The following PECAM1 variants were observed in gnomAD, a reference collection of about 807,000 sequenced individuals.
PECAM1 encodes platelet and endothelial cell adhesion molecule 1.
PECAM1 carries 8 observed loss-of-function variants against 13.8 expected under a neutral mutation model. The ratio of observed to expected loss-of-function variants is 0.58; its 90% CI spans 0.34 to 1.05. The LOEUF is 1.05. PECAM1 is among the 50% of genes least tolerant of loss of function. PECAM1 has a pLI of 0.03. For missense variants in PECAM1, 304 were observed against 141.2 expected (o/e 2.15, Z -5.84); for synonymous variants, 136 against 52.6 (o/e 2.58, Z -6.86).
In PECAM1 at chr17:64,320,050, G is replaced by C. The variant is rs1002010724; in HGVS notation, c.*3766C>G. 1 of 152,188 alleles carries C rather than the reference G, an allele frequency of 6.6e-6. No homozygotes were observed. The highest frequency in any genetic ancestry group is 2.4e-5 in the African/African-American group (1 of 41,424). 9.4% of individuals were successfully genotyped at this position (152,188 alleles called of 1,614,324 possible). On this transcript the variant is annotated 3_prime_UTR_variant, in exon 16 of 16. Transcript: ENST00000563924. ...ACCCCAGGTTGAGATCTTCTGCAGG[G>C]AAGACTGTCCTCAAATAGCCTGCTG... is the stretch of plus-strand genomic sequence containing the variant.
intron 14 of PECAM1, among the ~76,000 whole-genome samples, chr17:64,331,994 C>T (rs1243795609): frequency 6.6e-6 from 1 of 152,214 alleles, no homozygotes; most frequent in South Asian, 2.1e-4. Context: ...TCCTGGACCT[C>T]GGGCAGGCTC....
chr17:64,387,650 G>T lies in PECAM1; in HGVS notation c.91+2839C>A, dbSNP rs118198448. Among the ~76,000 whole-genome samples the T allele has an allele frequency of 1.2e-3, 176 of 152,262 alleles. 1 individual carries two copies. The highest frequency in any genetic ancestry group is 4.1e-3 in the African/African-American group (170 of 41,538). ...GAGGAGCAGGGTGCATGTGTCCTCC[G>T]AGGCCGGGAGGGAAACCGAGAGGAT... is the stretch of plus-strand genomic sequence containing the variant. On this transcript the variant is annotated intron_variant, in intron 2 of 15. Coordinates refer to ENST00000563924, the MANE Select transcript of PECAM1 (RefSeq NM_000442.5).
intron 2 of PECAM1, among the ~76,000 whole-genome samples, chr17:64,385,075 T>C (rs1023590769): frequency 2.6e-5 from 4 of 152,160 alleles, no homozygotes; most frequent in African/African-American, 9.6e-5. Flanking sequence ...TGTGTGCAAA[T>C]GTGTGCTTTT....
At chr17:64,348,019 C>T (rs1302574685) in intron 13 of PECAM1, among the ~76,000 whole-genome samples, 1 of 152,148 alleles carries the variant, frequency 6.6e-6, no homozygotes, top group Non-Finnish European at 1.5e-5. Flanking sequence ...GTGTGAGCCA[C>T]AGTGCCTGGC....
chr17:64,375,258 G>A lies in PECAM1; in HGVS notation c.484C>T (p.His162Tyr), dbSNP rs1368015323. The change falls in exon 4 of 16, where the codon CAC becomes TAC. Residue 162 changes from histidine to tyrosine, a missense_variant. His to Tyr is a moderately conservative substitution (Grantham distance 83). Transcript: ENST00000563924. ...AGTTCAAGTTTTTCAATTGTGAAGT[G>A]TATTGGGGCCTTTTCCTCTGGGACA... ...CSVPEEKAPIHFTIEKLELNE... is the reference protein window; with the variant it reads ...CSVPEEKAPIYFTIEKLELNE... The A allele has an allele frequency of 7.2e-5, 34 of 475,378 alleles. No homozygotes were observed. The highest frequency in any genetic ancestry group is 1.2e-3 in the Middle Eastern group (2 of 1,660). The allele number at this position is 475,378 out of a possible 1,614,324, so 29.4% of individuals were successfully genotyped here.
At chr17:64,348,697 C>G (rs2035642250) in intron 12 of PECAM1, among the ~76,000 whole-genome samples, 1 of 152,154 alleles carries the variant, frequency 6.6e-6, no homozygotes, top group African/African-American at 2.4e-5. Context: ...CTCAGCCTCC[C>G]AAAGTGCTGG....
At chr17:64,379,008 G>C (rs1394278195) in intron 2 of PECAM1, 1 of 152,346 alleles carries the variant, frequency 6.6e-6, no homozygotes, top group East Asian at 1.9e-4. Context: ...TTTTCTATCT[G>C]ATGGGCTCTG....
rs1474562125 is a variant in PECAM1, at chr17:64,361,418, T to C, written c.1217-1003A>G. ...ACCTTGGCCTGCCAAATTGTTGGGATTACAGGTGTGAGCCACCAGGTCCAG... is the reference window on the plus strand; with the variant it reads ...ACCTTGGCCTGCCAAATTGTTGGGACTACAGGTGTGAGCCACCAGGTCCAG... On this transcript the variant is annotated intron_variant, in intron 6 of 15. Transcript: ENST00000563924. Among the ~76,000 whole-genome samples, 3 of 151,928 alleles carry C rather than the reference T, an allele frequency of 2.0e-5. No homozygotes were observed. In the East Asian group the frequency reaches 5.9e-4, roughly 30 times the overall value.
chr17:64,363,123 C>A, intron 6 of PECAM1, 26 bp downstream of exon 6: 3 of 475,412 alleles, frequency 6.3e-6, no homozygotes, highest in South Asian at 1.3e-4. Flanking sequence ...CCTGGATGTC[C>A]TCTGAGTCAG....
At chr17:64,340,022 G>T (rs1430032827) in intron 14 of PECAM1, among the ~76,000 whole-genome samples, 2 of 152,146 alleles carry the variant, frequency 1.3e-5, no homozygotes, top group Non-Finnish European at 2.9e-5. Flanking sequence ...ATGGTGGTGT[G>T]TGTCTGTGGT....
chr17:64,373,321 C>T (rs989872124), intron 4 of PECAM1, among the ~76,000 whole-genome samples: 4 of 151,994 alleles, frequency 2.6e-5, no homozygotes, highest in African/African-American at 9.7e-5. Context: ...TATCCATCAG[C>T]AGAAGATGAG....
chr17:64,359,600 A>G (rs1259130006), intron 7 of PECAM1, among the ~76,000 whole-genome samples: 1 of 152,166 alleles, frequency 6.6e-6, no homozygotes, highest in East Asian at 1.9e-4. Context: ...TTTCATGCTT[A>G]TCATATTTTA....
chr17:64,361,807 C>A (rs992062948), intron 6 of PECAM1, among the ~76,000 whole-genome samples: 5,891 of 149,490 alleles, frequency 0.039, 400 homozygotes, highest in African/African-American at 0.14. Context: ...GCTTCAGCCT[C>A]TTAACAGATA....
At chr17:64,353,821 T>C (rs1012006328) in intron 9 of PECAM1, among the ~76,000 whole-genome samples, 90 of 152,156 alleles carry the variant, frequency 5.9e-4, no homozygotes, top group Non-Finnish European at 1.0e-3. Flanking sequence ...CCCAGAAACA[T>C]GATATCTTGA....
chr17:64,332,336 C>A lies in PECAM1; in HGVS notation c.2165-2614G>T, dbSNP rs548228155. On this transcript the variant is annotated intron_variant, in intron 14 of 15. Transcript: ENST00000563924. Reference sequence around the variant, plus strand: ...CAAAGGACCCCGTGATTCCTGGACCCTCCTAGTCCCCTAAGGGCTCTGGAA... The same window carrying A: ...CAAAGGACCCCGTGATTCCTGGACCATCCTAGTCCCCTAAGGGCTCTGGAA... Among the ~76,000 whole-genome samples, 111 of 147,472 alleles carry A rather than the reference C, an allele frequency of 7.5e-4. 2 individuals carry two copies. The highest frequency in any genetic ancestry group is 3.4e-3 in the Middle Eastern group (1 of 290).
Position 64,369,870 on chromosome 17 carries a change from T to C in PECAM1, c.847A>G (p.Arg283Gly). 1 of 398,660 alleles carries C rather than the reference T, an allele frequency of 2.5e-6. No individual in the cohort carries two copies. The highest frequency in any genetic ancestry group is 4.4e-6 in the Non-Finnish European group (1 of 226,094). 24.7% of individuals were successfully genotyped at this position (398,660 alleles called of 1,614,324 possible). Residue 283 changes from arginine to glycine, a missense_variant, in exon 5 of 16, where the codon AGA (arginine) becomes GGA (glycine). Transcript: ENST00000563924. ...QKDKAIVAHN[R>G]HGNKAVYSVM... Reference sequence around the variant, plus strand: ...GAGTACACAGCCTTGTTGCCATGTCTGTTGTGGGCCACAATCGCCTTGTCC... The same window carrying C: ...GAGTACACAGCCTTGTTGCCATGTCCGTTGTGGGCCACAATCGCCTTGTCC...
intron 9 of PECAM1, among the ~76,000 whole-genome samples, chr17:64,354,097 G>C (rs910786874): frequency 6.6e-6 from 1 of 151,840 alleles, no homozygotes; most frequent in Non-Finnish European, 1.5e-5. Flanking sequence ...CCATCACCAC[G>C]TCTGGCCAAT....
At chr17:64,348,680 C>T (rs968452016) in intron 12 of PECAM1, among the ~76,000 whole-genome samples, 12 of 152,060 alleles carry the variant, frequency 7.9e-5, no homozygotes, top group Non-Finnish European at 1.5e-4. Context: ...TCAAGCGATC[C>T]GCCCACCTCA....
Position 64,322,055 on chromosome 17 carries a change from C to T in PECAM1, c.*1761G>A, listed in dbSNP as rs567101412. ...GTGTGTGTGTGTTGGGGAAAGGAAC[C>T]AACAGCTTTCATCATATTGTCAAAA... is the stretch of plus-strand genomic sequence containing the variant. On this transcript the variant is annotated 3_prime_UTR_variant, in exon 16 of 16. Coordinates refer to ENST00000563924, the MANE Select transcript of PECAM1 (RefSeq NM_000442.5). The T allele has an allele frequency of 6.9e-6, 8 of 1,152,052 alleles. No individual in the cohort carries two copies. The African/African-American group carries it at 1.1e-4, about 16-fold the overall frequency. The allele number at this position is 1,152,052 out of a possible 1,614,324, so 71.4% of individuals were successfully genotyped here. A position where few individuals can be genotyped will look rare whatever the true frequency, so the allele number is the denominator to read the frequency against.
Sources: gnomAD v4.1 joint callset for allele counts (sites outside exome capture counted in the v4.1 genomes callset) on GRCh38, gnomAD v4.1.1 for gene constraint, MANE v1.5 for transcripts, NCBI Gene and HGNC (gene_info 2026-07-23, HGNC 2026-07-21) for gene names.